Variants in TMEM164 observed in about 807,000 individuals in gnomAD.
TMEM164 encodes the protein RP13-360B22.2.
A neutral mutation model predicts 18.8 loss-of-function variants in TMEM164; 4 were observed. The ratio of observed to expected loss-of-function variants is 0.21; its 90% CI spans 0.10 to 0.49. TMEM164 has a LOEUF of 0.49. Ranked by LOEUF, TMEM164 falls within the 20% of genes least tolerant of loss-of-function variation. The pLI, the probability that TMEM164 is intolerant of heterozygous loss-of-function variation, is 0.98. For missense variants in TMEM164, 108 were observed against 239.9 expected (o/e 0.45, Z 3.63); for synonymous variants, 86 against 101.7 (o/e 0.85, Z 0.93).
At chrX:110,044,485 G>A (rs1483251048) in intron 2 of TMEM164, among the ~76,000 whole-genome samples, 11 of 108,850 alleles carry the variant, frequency 1.0e-4, no homozygotes, top group African/African-American at 3.7e-4. Context: ...TGTCACCCAG[G>A]CTGGAGTGCA....
At chrX:110,023,543 T>C (rs1055130928) in intron 2 of TMEM164, among the ~76,000 whole-genome samples, 2 of 111,534 alleles carry the variant, frequency 1.8e-5, no homozygotes, top group East Asian at 5.6e-4. Flanking sequence ...AGAGGTATTC[T>C]TCCTTCCAGA....
intron 2 of TMEM164, chrX:110,020,724 A>G (rs1933765393): frequency 1.4e-6 from 1 of 736,291 alleles, no homozygotes. Context: ...CCACTTTAAA[A>G]TATTTACTCT....
At chrX:110,136,757 C>T (rs2148043748) in intron 4 of TMEM164, among the ~76,000 whole-genome samples, 1 of 111,662 alleles carries the variant, frequency 9.0e-6, no homozygotes, top group African/African-American at 3.3e-5. Context: ...GGGTCCTATT[C>T]CCTCCCACCT....
At chrX:110,051,593 A>AAAAGAAAGAAAGAAAGAAAGAAAG (rs367718317) in intron 2 of TMEM164, among the ~76,000 whole-genome samples, 2 of 102,988 alleles carry the variant, frequency 1.9e-5, no homozygotes, top group African/African-American at 6.9e-5. Flanking sequence ...CAAAAAAAAA[A>AAAAGAAAGAAAGAAAGAAAGAAAG]AAAGAAAGAA....
At chrX:110,068,833 A>G (rs2065539914) in intron 3 of TMEM164, among the ~76,000 whole-genome samples, 1 of 111,642 alleles carries the variant, frequency 9.0e-6, no homozygotes, top group Admixed American at 9.5e-5. Context: ...AGATATACAC[A>G]TGCATACACA....
At chrX:110,119,723 T>C (rs1199177516) in intron 4 of TMEM164, among the ~76,000 whole-genome samples, 1 of 111,272 alleles carries the variant, frequency 9.0e-6, no homozygotes, top group Admixed American at 9.6e-5. Context: ...AGATGATGTG[T>C]GGTAAGCACT....
chrX:110,049,053 A>G lies in TMEM164; in HGVS notation c.391-18294A>G, dbSNP rs762265315. Among the ~76,000 whole-genome samples, 5 of 112,487 alleles carry G rather than the reference A, an allele frequency of 4.4e-5. No individual in the cohort carries two copies. In the South Asian group the frequency reaches 1.8e-3, roughly 41 times the overall value. On this transcript the variant is annotated intron_variant, in intron 2 of 6. Coordinates refer to ENST00000372068, the MANE Select transcript of TMEM164 (RefSeq NM_032227.4). Reference sequence around the variant, plus strand: ...TTCTATACCATTTACCATTTAATTGATAAGCATGTGGTTTGATAAATGTTG... The same window carrying G: ...TTCTATACCATTTACCATTTAATTGGTAAGCATGTGGTTTGATAAATGTTG...
downstream of TMEM164, among the ~76,000 whole-genome samples, chrX:110,178,167 G>C (rs1205321466): frequency 4.4e-5 from 5 of 112,534 alleles, no homozygotes; most frequent in Non-Finnish European, 9.4e-5. Context: ...CTCAGCACAG[G>C]CCTGCACCCA....
At chrX:110,044,830 T>C (rs1935252928) in intron 2 of TMEM164, among the ~76,000 whole-genome samples, 2 of 109,233 alleles carry the variant, frequency 1.8e-5, no homozygotes, top group Admixed American at 2.0e-4. Context: ...GGAAAGTGCC[T>C]AATGACTCCA....
chrX:110,004,019 G>T lies in TMEM164; in HGVS notation c.245G>T (p.Arg82Leu), dbSNP rs760058428. 1 of 1,209,303 alleles carries T rather than the reference G, an allele frequency of 8.3e-7. No homozygotes were observed. Among genetic ancestry groups the T allele is most frequent in the Non-Finnish European group, 1.1e-6 (1 of 895,033 alleles). ...AGCCAGCCAGAGCAGGTGACCCAGC[G>T]GCCAGAGGAAGGCAAGGAGAGCCTG... Reference protein sequence around the residue: ...PGSQPEQVTQRPEEGKESLSK... With the variant: ...PGSQPEQVTQLPEEGKESLSK... Residue 82 changes from arginine to leucine, a missense_variant, in exon 2 of 7, where the codon CGG becomes CTG. Transcript: ENST00000372068.
chrX:110,020,602 C>T (rs1489089103), intron 2 of TMEM164: 1 of 752,454 alleles, frequency 1.3e-6, no homozygotes, highest in African/African-American at 2.3e-5. Flanking sequence ...TTTCAGAAGG[C>T]AGGAGCTGGT....
At chrX:110,048,242 C>G (rs1480037316) in intron 2 of TMEM164, among the ~76,000 whole-genome samples, 2 of 111,952 alleles carry the variant, frequency 1.8e-5, no homozygotes, top group Non-Finnish European at 3.8e-5. Context: ...CTATGCTCTT[C>G]CCTCTGCCTG....
chrX:110,086,226 T>A (rs2065849480), intron 3 of TMEM164, among the ~76,000 whole-genome samples: 1 of 112,073 alleles, frequency 8.9e-6, no homozygotes, highest in Admixed American at 9.6e-5. Context: ...AGAGAGGCTA[T>A]GTTAGTGATT....
intron 4 of TMEM164, among the ~76,000 whole-genome samples, chrX:110,140,756 G>A (rs1306973070): frequency 8.9e-6 from 1 of 112,272 alleles, no homozygotes; most frequent in East Asian, 2.8e-4. Context: ...AGGACTTTTT[G>A]TCTATAACCT....
At chrX:110,168,061 C>T (rs2067181214) in intron 5 of TMEM164, among the ~76,000 whole-genome samples, 1 of 112,188 alleles carries the variant, frequency 8.9e-6, no homozygotes, top group Admixed American at 9.4e-5. Flanking sequence ...TCACTGCTGC[C>T]CATCTGCCAC....
intron 3 of TMEM164, among the ~76,000 whole-genome samples, chrX:110,103,189 G>T (rs1395822195): frequency 8.9e-6 from 1 of 112,284 alleles, no homozygotes; most frequent in African/African-American, 3.2e-5. Context: ...GTCAGATGTG[G>T]CCACAAGAGT....
intron 4 of TMEM164, among the ~76,000 whole-genome samples, chrX:110,124,168 A>C (rs188844628): frequency 3.5e-3 from 326 of 92,320 alleles, no homozygotes; most frequent in African/African-American, 0.012. Flanking sequence ...GGAAGGAAGG[A>C]AGGAAGGAAG....
intron 2 of TMEM164, among the ~76,000 whole-genome samples, chrX:110,057,334 C>A (rs751167215): frequency 1.8e-5 from 2 of 111,423 alleles, no homozygotes; most frequent in Non-Finnish European, 3.8e-5. Flanking sequence ...TGTGTTACTG[C>A]AAATGATAGG....
chrX:110,180,493 G>T (rs371677113), downstream of TMEM164, among the ~76,000 whole-genome samples: 2 of 81,472 alleles, frequency 2.5e-5, no homozygotes, highest in Admixed American at 1.3e-4. Context: ...GAACCCCCCC[G>T]CCCCGCCCAC....
Sources: allele counts gnomAD v4.1 joint callset (sites outside exome capture counted in the v4.1 genomes callset), GRCh38; gene constraint gnomAD v4.1.1; transcripts MANE v1.5; gene names NCBI Gene and HGNC (gene_info 2026-07-23, HGNC 2026-07-21).